The following CATSPERE variants were observed in gnomAD, a reference collection of about 807,000 sequenced individuals.
CATSPERE encodes catsper channel auxiliary subunit epsilon.
In CATSPERE, 93 loss-of-function variants were observed where a neutral mutation model predicts 114.1. The ratio of observed to expected loss-of-function variants is 0.81; its 90% confidence interval spans 0.69 to 0.97. The LOEUF is 0.97. Ranked by LOEUF, CATSPERE falls within the 50% of genes least tolerant of loss-of-function variation. CATSPERE has a pLI of 0.00. For synonymous variants in CATSPERE, 341 were observed against 384.1 expected (o/e 0.89, Z 1.31); for missense variants, 1,058 against 1,131.6 (o/e 0.93, Z 0.93).
intron 20 of CATSPERE, among the ~76,000 whole-genome samples, chr1:244,634,395 G>A (rs187458637): frequency 3.3e-5 from 5 of 152,282 alleles, no homozygotes; most frequent in African/African-American, 1.2e-4. Flanking sequence ...GCATCTGGGT[G>A]AAAATCTCTA....
chr1:244,456,039 C>T (rs1362862588), intron 1 of CATSPERE, among the ~76,000 whole-genome samples: 1 of 152,102 alleles, frequency 6.6e-6, no homozygotes, highest in Non-Finnish European at 1.5e-5. Context: ...ACACTTGGAT[C>T]AGAGAAGCAT....
At chr1:244,535,526 C>A (rs1680261515) in intron 8 of CATSPERE, among the ~76,000 whole-genome samples, 1 of 152,172 alleles carries the variant, frequency 6.6e-6, no homozygotes, top group Admixed American at 6.6e-5. Flanking sequence ...GGAGTCTTTC[C>A]CTGTGGCCAC....
At chr1:244,615,193 A>G (rs1393285) in intron 19 of CATSPERE, among the ~76,000 whole-genome samples, 57,640 of 149,132 alleles carry the variant, frequency 0.39, 11,664 homozygotes, top group African/African-American at 0.51. Flanking sequence ...TGATATCCAA[A>G]AGGAATCAGC....
rs1399766277 is a variant in CATSPERE, at chr1:244,542,475, C to CGAG, written c.537-9847_537-9846insGAG. On this transcript the variant is annotated intron_variant, in intron 8 of 21. Coordinates refer to ENST00000366534, the MANE Select transcript of CATSPERE (RefSeq NM_001130957.2). Reference sequence around the variant, plus strand: ...TAGGTAATTTTTTAACCCTCACTCCCCTCCCACCCTGTCCCTTTTTGGAGT... The same window carrying CGAG: ...TAGGTAATTTTTTAACCCTCACTCCCGAGCTCCCACCCTGTCCCTTTTTGGAGT... 5.9e-5 allele frequency among the ~76,000 whole-genome samples: 9 copies of CGAG among 152,112 alleles called. No individual in the cohort carries two copies. The East Asian group carries it at 1.7e-3, about 29-fold the overall frequency.
chr1:244,612,075 G>C (rs956475810), intron 19 of CATSPERE, among the ~76,000 whole-genome samples: 6 of 152,150 alleles, frequency 3.9e-5, no homozygotes, highest in African/African-American at 1.4e-4. Flanking sequence ...AGTCTAGAAA[G>C]ACTCTGGAGT....
At chr1:244,564,524 C>G (rs1006018432) in intron 10 of CATSPERE, among the ~76,000 whole-genome samples, 3 of 152,098 alleles carry the variant, frequency 2.0e-5, no homozygotes, top group African/African-American at 2.4e-5. Context: ...CTGTGAATGG[C>G]AGTTCACTCA....
intron 2 of CATSPERE, among the ~76,000 whole-genome samples, chr1:244,471,988 C>CT (rs1558317631): frequency 6.6e-6 from 1 of 152,170 alleles, no homozygotes. Flanking sequence ...GAGACAGACT[C>CT]TAACTCTGTT....
At position 244,552,367 on chromosome 1, in the gene CATSPERE, G is replaced by A; in HGVS notation, c.582G>A (p.Lys194=). The A allele has an allele frequency of 6.2e-7, 1 of 1,613,812 alleles. No individual in the cohort carries two copies. The highest frequency in any genetic ancestry group is 1.6e-4 in the Middle Eastern group (1 of 6,062). The stretch of plus-strand genomic sequence containing the variant: ...CAATGACAAAAGATGATGCACTAAA[G>A]GAGATTAGAGGAAACCAAGTTACTT... ...VVPMTKDDAL[K]EIRGNQVTFQ... The change falls in exon 9 of 22, where the codon AAG becomes AAA. Residue 194 remains lysine (K), a synonymous_variant. Transcript: ENST00000366534.
At chr1:244,490,565 A>G in intron 6 of CATSPERE, 94 bp downstream of exon 6, 1 of 830,022 alleles carries the variant, frequency 1.2e-6, no homozygotes, top group Non-Finnish European at 2.0e-6. Flanking sequence ...GGAATTTTTC[A>G]AATGAATTTT....
chr1:244,553,598 A>C (rs933879778), intron 9 of CATSPERE, among the ~76,000 whole-genome samples: 1 of 72,374 alleles, frequency 1.4e-5, no homozygotes. Context: ...AAAAAAAAAA[A>C]AAATACACAC....
chr1:244,544,407 T>A (rs535002446), intron 8 of CATSPERE, among the ~76,000 whole-genome samples: 2 of 152,212 alleles, frequency 1.3e-5, no homozygotes, highest in Non-Finnish European at 2.9e-5. Context: ...AGTTTTAACT[T>A]AGGCCTATCT....
intron 10 of CATSPERE, among the ~76,000 whole-genome samples, chr1:244,564,549 G>C (rs1164082765): frequency 6.6e-6 from 1 of 152,096 alleles, no homozygotes; most frequent in Admixed American, 6.5e-5. Context: ...TTGGCTCTCT[G>C]TCTGTTATTG....
intron 1 of CATSPERE, among the ~76,000 whole-genome samples, chr1:244,455,590 C>T (rs1407662678): frequency 2.8e-5 from 4 of 140,768 alleles, no homozygotes; most frequent in African/African-American, 9.9e-5. Context: ...TTTAAAAGGC[C>T]TTTATGTTTC....
chr1:244,596,777 T>G (rs201805053), intron 17 of CATSPERE, among the ~76,000 whole-genome samples: 1 of 142,024 alleles, frequency 7.0e-6, no homozygotes, highest in Non-Finnish European at 1.5e-5. Context: ...AAGTAAAATT[T>G]AAAAAAAAAA....
At chr1:244,622,150 C>T (rs1672475219) in intron 20 of CATSPERE, among the ~76,000 whole-genome samples, 1 of 152,128 alleles carries the variant, frequency 6.6e-6, no homozygotes, top group African/African-American at 2.4e-5. Flanking sequence ...CAGAGTTTAC[C>T]ACTACCAACA....
intron 6 of CATSPERE, among the ~76,000 whole-genome samples, chr1:244,498,076 C>T (rs931497539): frequency 6.6e-6 from 1 of 152,120 alleles, no homozygotes; most frequent in Non-Finnish European, 1.5e-5. Context: ...CAAAGTTGCT[C>T]ATTGTAGCAT....
chr1:244,477,635 A>G, intron 3 of CATSPERE, 21 bp downstream of exon 3: 1 of 1,415,130 alleles, frequency 7.1e-7, no homozygotes, highest in South Asian at 1.2e-5. Context: ...TGCCATGAAT[A>G]TCAATGTATG....
intron 5 of CATSPERE, among the ~76,000 whole-genome samples, chr1:244,487,526 A>G (rs1007764904): frequency 2.6e-5 from 4 of 152,112 alleles, no homozygotes; most frequent in African/African-American, 9.7e-5. Flanking sequence ...TGAGTAAGCC[A>G]CGCCATCATC....
intron 9 of CATSPERE, among the ~76,000 whole-genome samples, chr1:244,557,532 CATATATATATATATATATATATATAT>C (rs61291602): frequency 0.07 from 2,853 of 40,684 alleles, 206 homozygotes; most frequent in South Asian, 0.2. Context: ...TTGAAATATT[CATATATATATATATATATATATATAT>C]ATATATATAT....
Sources: allele counts gnomAD v4.1 joint callset (sites outside exome capture counted in the v4.1 genomes callset), GRCh38; gene constraint gnomAD v4.1.1; transcripts MANE v1.5; gene names NCBI Gene and HGNC (gene_info 2026-07-23, HGNC 2026-07-21).